DGKI: variants seen among roughly 807,000 people sequenced by gnomAD.
DGKI encodes the protein diacylglycerol kinase iota.
DGKI carries 55 observed loss-of-function variants against 147.5 expected under a neutral mutation model. That is an observed-to-expected ratio of 0.37 (90% CI 0.30 to 0.47). DGKI has a LOEUF of 0.47. Among genes scored for constraint, DGKI ranks in the 20% least tolerant of loss-of-function variants. The pLI is 1.00. For missense variants in DGKI, 1,007 were observed against 1,323.8 expected (o/e 0.76, Z 3.71); for synonymous variants, 469 against 477.1 (o/e 0.98, Z 0.22).
chr7:137,761,630 T>C (rs905910801), intron 1 of DGKI, among the ~76,000 whole-genome samples: 5 of 152,326 alleles, frequency 3.3e-5, no homozygotes, highest in African/African-American at 1.2e-4. Context: ...GGGCTCCCAT[T>C]TGAAAGCCTC....
At chr7:137,688,105 A>G (rs1823482756) in intron 2 of DGKI, among the ~76,000 whole-genome samples, 3 of 152,162 alleles carry the variant, frequency 2.0e-5, no homozygotes, top group Non-Finnish European at 2.9e-5. Context: ...ATTTTCTGAT[A>G]ACTATTTCCA....
At chr7:137,767,071 A>G (rs1796034879) in intron 1 of DGKI, among the ~76,000 whole-genome samples, 1 of 152,002 alleles carries the variant, frequency 6.6e-6, no homozygotes, top group Admixed American at 6.6e-5. Context: ...AGCCTTATTC[A>G]TGTCTGTGAC....
At chr7:137,666,960 CTT>C (rs1210772790) in intron 3 of DGKI, among the ~76,000 whole-genome samples, 2 of 152,024 alleles carry the variant, frequency 1.3e-5, no homozygotes. Flanking sequence ...TCTCTTTTCT[CTT>C]ATTTCTTTTT....
intron 19 of DGKI, among the ~76,000 whole-genome samples, chr7:137,561,242 A>G (rs1818409513): frequency 6.6e-6 from 1 of 152,232 alleles, no homozygotes; most frequent in South Asian, 2.1e-4. Flanking sequence ...TTATTCAGCC[A>G]TTAAAAAGAA....
At chr7:137,788,205 C>T (rs1339730290) in intron 1 of DGKI, among the ~76,000 whole-genome samples, 2 of 152,124 alleles carry the variant, frequency 1.3e-5, no homozygotes, top group Non-Finnish European at 2.9e-5. Flanking sequence ...CTGATCATAT[C>T]CAGATCTCTG....
chr7:137,686,969 T>G (rs1302001958), intron 2 of DGKI, among the ~76,000 whole-genome samples: 1 of 151,908 alleles, frequency 6.6e-6, no homozygotes, highest in African/African-American at 2.4e-5. Context: ...ACCATGAACG[T>G]TTTTTTTAAT....
Position 137,728,762 on chromosome 7 carries a change from A to T in DGKI, c.402-38760T>A, listed in dbSNP as rs570686434. Among the ~76,000 whole-genome samples the T allele has an allele frequency of 2.2e-4, 33 of 152,268 alleles. 1 individual carries two copies. In the South Asian group the frequency reaches 6.8e-3, roughly 32 times the overall value. ...CCAATCAACCTCTTTGTTCATTAAC[A>T]CATTCTTTCCTTAGACATAGTAATA... On this transcript the variant is annotated intron_variant, in intron 1 of 32. Transcript: ENST00000614521.
intron 2 of DGKI, among the ~76,000 whole-genome samples, chr7:137,680,268 A>G (rs150523068): frequency 2.1e-3 from 314 of 152,330 alleles, no homozygotes; most frequent in African/African-American, 7.2e-3. Flanking sequence ...TGGACTTCCC[A>G]GCCACCAGAA....
At chr7:137,487,827 T>C in intron 21 of DGKI, 138 bp from the exon 22 acceptor site, 1 of 731,004 alleles carries the variant, frequency 1.4e-6, no homozygotes, top group East Asian at 2.7e-5. Flanking sequence ...AAGAAAGAAG[T>C]ACTTTCTCCC....
At chr7:137,603,190 G>T (rs1314611430) in intron 10 of DGKI, among the ~76,000 whole-genome samples, 1 of 152,180 alleles carries the variant, frequency 6.6e-6, no homozygotes, top group Non-Finnish European at 1.5e-5. Flanking sequence ...TCAGAAGGAA[G>T]TTCCATGCAT....
chr7:137,710,250 A>G (rs965970808), intron 1 of DGKI, among the ~76,000 whole-genome samples: 2 of 152,152 alleles, frequency 1.3e-5, no homozygotes, highest in African/African-American at 4.8e-5. Flanking sequence ...CAAAAGTCCC[A>G]CAGGCTTTTG....
At position 137,382,673 on chromosome 7, in the gene DGKI, G is replaced by T. The variant is rs1401687278; in HGVS notation, c.*8547C>A. ...CATGAGAATTTGTGTTACTACTAGG[G>T]TCTTCTTATTGTACTACTTTTGAGA... is the stretch of plus-strand genomic sequence containing the variant. On this transcript the variant is annotated 3_prime_UTR_variant, in exon 33 of 33. Transcript: ENST00000614521. 6.6e-6 allele frequency: 1 copy of T among 151,970 alleles called. No individual in the cohort carries two copies. The highest frequency in any genetic ancestry group is 2.4e-5 in the African/African-American group (1 of 41,392). 9.4% of individuals were successfully genotyped at this position (151,970 alleles called of 1,614,324 possible).
intron 30 of DGKI, among the ~76,000 whole-genome samples, chr7:137,407,292 G>T (rs972362031): frequency 6.6e-6 from 1 of 152,198 alleles, no homozygotes; most frequent in Non-Finnish European, 1.5e-5. Context: ...TCCTGCAAAC[G>T]ATCTGGCACC....
In DGKI at chr7:137,389,424, T is replaced by C. The variant is rs1362082457; in HGVS notation, c.*1796A>G. 5.9e-5 allele frequency: 9 copies of C among 152,170 alleles called. No individual in the cohort carries two copies. The allele number at this position is 152,170 out of a possible 1,614,324, so 9.4% of individuals were successfully genotyped here. The stretch of plus-strand genomic sequence containing the variant: ...AATATAGCACGTCATAGCCGCACTT[T>C]CAAAATGATGATATGTTACCGAAAT... On this transcript the variant is annotated 3_prime_UTR_variant, in exon 33 of 33. Coordinates refer to ENST00000614521, the MANE Select transcript of DGKI (RefSeq NM_001321708.2).
rs76938089 is a variant in DGKI at position 137,757,797 on chromosome 7, T to C, written c.402-67795A>G. 2.7e-3 allele frequency among the ~76,000 whole-genome samples: 410 copies of C among 152,304 alleles called. 18 individuals carry two copies. In the East Asian group the frequency reaches 0.066, roughly 25 times the overall value. Reference sequence around the variant, plus strand: ...GCACTTGACATCACTGCTGGCCAAATCTATGTGTTCATGAATTAGAACGTA... The same window carrying C: ...GCACTTGACATCACTGCTGGCCAAACCTATGTGTTCATGAATTAGAACGTA... On this transcript the variant is annotated intron_variant, in intron 1 of 32. Transcript: ENST00000614521.
intron 1 of DGKI, chr7:137,772,196 G>C (rs1796223127): frequency 6.6e-6 from 1 of 150,972 alleles, no homozygotes; most frequent in Non-Finnish European, 1.5e-5. Flanking sequence ...ACAGAACTCT[G>C]TTGAAATACA....
chr7:137,579,096 A>G (rs1337594022), intron 15 of DGKI, among the ~76,000 whole-genome samples: 1 of 152,174 alleles, frequency 6.6e-6, no homozygotes, highest in Non-Finnish European at 1.5e-5. Context: ...TTCTCAACTT[A>G]AAAGTATTAC....
intron 1 of DGKI, among the ~76,000 whole-genome samples, chr7:137,773,723 A>G (rs1796281315): frequency 6.6e-6 from 1 of 152,230 alleles, no homozygotes; most frequent in Admixed American, 6.5e-5. Flanking sequence ...ATACAAAAAA[A>G]AAATAGAAAC....
intron 1 of DGKI, among the ~76,000 whole-genome samples, chr7:137,795,001 G>GTCTGA (rs1192757349): frequency 1.3e-5 from 2 of 152,034 alleles, no homozygotes; most frequent in Non-Finnish European, 2.9e-5. Flanking sequence ...CAACTTCCTA[G>GTCTGA]TCTGATATTT....
Sources: allele counts gnomAD v4.1 joint callset (sites outside exome capture counted in the v4.1 genomes callset), GRCh38; gene constraint gnomAD v4.1.1; transcripts MANE v1.5; gene names NCBI Gene and HGNC (gene_info 2026-07-23, HGNC 2026-07-21).